Variants in QTMAN observed in about 807,000 individuals in gnomAD.
QTMAN encodes the protein tRNA-queuosine alpha-mannosyltransferase.
At chr2:144,229,151 G>A in the QTMAN span, among the ~76,000 whole-genome samples, 1 of 152,178 alleles carries the variant, frequency 6.6e-6, no homozygotes, top group South Asian at 2.1e-4. Context: ...TCTATCTCTA[G>A]TCATCTCCCT....
the QTMAN span, among the ~76,000 whole-genome samples, chr2:144,217,606 T>C: frequency 6.6e-6 from 1 of 152,190 alleles, no homozygotes; most frequent in Non-Finnish European, 1.5e-5. Context: ...TTCAATTTTT[T>C]TGTTAGAATC....
At chr2:144,279,365 C>A in the QTMAN span, among the ~76,000 whole-genome samples, 1 of 144,092 alleles carries the variant, frequency 6.9e-6, no homozygotes, top group Admixed American at 7.0e-5. Context: ...TGCATCTCCT[C>A]ACCGCAAGAA....
At chr2:144,201,406 G>A in the QTMAN span, among the ~76,000 whole-genome samples, 578 of 152,288 alleles carry the variant, frequency 3.8e-3, 3 homozygotes, top group African/African-American at 0.013. Flanking sequence ...AGACAGGGGA[G>A]GAGATGATGT....
At chr2:144,018,677 C>T in the QTMAN span, among the ~76,000 whole-genome samples, 2 of 151,868 alleles carry the variant, frequency 1.3e-5, no homozygotes, top group Non-Finnish European at 2.9e-5. Context: ...AGCAAATACT[C>T]AGTGAAAACA....
At chr2:144,191,929 T>C in the QTMAN span, among the ~76,000 whole-genome samples, 4 of 152,278 alleles carry the variant, frequency 2.6e-5, no homozygotes, top group South Asian at 2.1e-4. Context: ...ACAAAAATAA[T>C]AGAATACTGT....
chr2:144,023,049 G>C, the QTMAN span, among the ~76,000 whole-genome samples: 3 of 151,730 alleles, frequency 2.0e-5, no homozygotes, highest in East Asian at 5.8e-4. Flanking sequence ...TCTCTATCCA[G>C]AAGTCCTAGT....
the QTMAN span, among the ~76,000 whole-genome samples, chr2:144,288,698 GAGAA>G: frequency 2.0e-5 from 3 of 152,234 alleles, no homozygotes; most frequent in African/African-American, 4.8e-5. Context: ...TAATCTGAAT[GAGAA>G]TATCCCTGGA....
chr2:144,230,807 T>C, the QTMAN span, among the ~76,000 whole-genome samples: 1 of 152,136 alleles, frequency 6.6e-6, no homozygotes, highest in Non-Finnish European at 1.5e-5. Flanking sequence ...GTTAGTAAGA[T>C]TGTTTTAATG....
the QTMAN span, among the ~76,000 whole-genome samples, chr2:144,051,101 C>T: frequency 1.3e-5 from 2 of 152,106 alleles, no homozygotes. Flanking sequence ...CCATTTATTT[C>T]CTCATGACCT....
chr2:144,024,358 T>C, the QTMAN span, among the ~76,000 whole-genome samples: 1 of 152,248 alleles, frequency 6.6e-6, no homozygotes, highest in South Asian at 2.1e-4. Context: ...GCTGAATGAA[T>C]GAATGCCTTG....
the QTMAN span, among the ~76,000 whole-genome samples, chr2:144,096,060 A>G: frequency 6.6e-6 from 1 of 152,222 alleles, no homozygotes; most frequent in African/African-American, 2.4e-5. Flanking sequence ...AAACTCTCTC[A>G]GCCCTTTCTT....
At chr2:143,957,545 C>T in the QTMAN span, among the ~76,000 whole-genome samples, 3 of 152,054 alleles carry the variant, frequency 2.0e-5, no homozygotes, top group African/African-American at 7.2e-5. Flanking sequence ...CAAAGGCCCG[C>T]CTCGCCACCC....
the QTMAN span, among the ~76,000 whole-genome samples, chr2:144,052,376 A>G: frequency 1.4e-4 from 21 of 152,340 alleles, no homozygotes; most frequent in African/African-American, 5.1e-4. Flanking sequence ...GGTTAAGAAA[A>G]CTAAGTGAAG....
At chr2:144,093,359 T>A in the QTMAN span, among the ~76,000 whole-genome samples, 8 of 152,300 alleles carry the variant, frequency 5.3e-5, no homozygotes, top group South Asian at 1.7e-3. Flanking sequence ...TGAACTTTTT[T>A]AAAAAGGTAG....
chr2:144,121,321 G>A, the QTMAN span, among the ~76,000 whole-genome samples: 4 of 152,088 alleles, frequency 2.6e-5, no homozygotes, highest in African/African-American at 9.7e-5. Flanking sequence ...ACCTCCACCT[G>A]GCAAACTTCA....
chr2:144,137,710 G>C, the QTMAN span, among the ~76,000 whole-genome samples: 1 of 151,978 alleles, frequency 6.6e-6, no homozygotes, highest in African/African-American at 2.4e-5. Flanking sequence ...AAAATAAGAA[G>C]AGGAGAGAGA....
chr2:144,192,025 AG>A, the QTMAN span, among the ~76,000 whole-genome samples: 2 of 152,194 alleles, frequency 1.3e-5, no homozygotes, highest in East Asian at 3.8e-4. Flanking sequence ...CTTGAAGTAA[AG>A]GGTGAAAGAA....
chr2:143,990,097 C>T, the QTMAN span, among the ~76,000 whole-genome samples: 2 of 151,728 alleles, frequency 1.3e-5, no homozygotes, highest in Non-Finnish European at 2.9e-5. Context: ...TTACGCACCA[C>T]TGTCCTATAA....
At chr2:144,129,606 C>T in the QTMAN span, among the ~76,000 whole-genome samples, 1 of 151,968 alleles carries the variant, frequency 6.6e-6, no homozygotes, top group African/African-American at 2.4e-5. Flanking sequence ...AGTATTTAAA[C>T]ATTTCCCAGC....
Sources: allele counts gnomAD v4.1 joint callset (sites outside exome capture counted in the v4.1 genomes callset), GRCh38; gene constraint gnomAD v4.1.1; transcripts MANE v1.5; gene names NCBI Gene and HGNC (gene_info 2026-07-23, HGNC 2026-07-21).